The following MTOR variants were observed in gnomAD, a reference collection of about 807,000 sequenced individuals.
The protein encoded by MTOR is serine/threonine-protein kinase mTOR.
In MTOR, 70 loss-of-function variants were observed where a neutral mutation model predicts 319.8. That is an observed-to-expected ratio of 0.22 (90% CI 0.18 to 0.27). The LOEUF is 0.27. Ranked by LOEUF, MTOR falls within the 10% of genes least tolerant of loss-of-function variation. The pLI is 1.00. For missense variants in MTOR, 1,890 were observed against 3,274.4 expected (o/e 0.58, Z 10.32); for synonymous variants, 1,183 against 1,211.4 (o/e 0.98, Z 0.49).
intron 28 of MTOR, among the ~76,000 whole-genome samples, chr1:11,188,042 T>C (rs981355793): frequency 1.3e-5 from 2 of 152,178 alleles, no homozygotes; most frequent in African/African-American, 2.4e-5. Context: ...TCTGAGGAGC[T>C]AGAAGCCCTG....
chr1:11,133,105 G>C lies in MTOR; in HGVS notation c.5339C>G (p.Thr1780Arg), dbSNP rs1253582129. The C allele has an allele frequency of 5.0e-6, 8 of 1,614,056 alleles. No individual in the cohort carries two copies. Among genetic ancestry groups the C allele is most frequent in the Admixed American group, 1.7e-5 (1 of 60,006 alleles). The change falls in exon 38 of 58, where the codon ACA (threonine) becomes AGA (arginine). Residue 1780 changes from threonine to arginine, a missense_variant. Thr to Arg is a moderately conservative substitution (Grantham distance 71). Transcript: ENST00000361445. This position sits in a 1 kb window ranked among gnomAD's most constrained non-coding sequence, Gnocchi z 4.0. ...PKVLQYYSAA[T>R]EHDRSWYKAW... ...CTTGTACCAGCTGCGGTCGTGCTCT[G>C]TGGCGGCGCTGTAGTACTGCAGCAC...
At chr1:11,114,600 G>A in intron 52 of MTOR, 147 bp from the exon 53 acceptor site, 1 of 1,223,326 alleles carries the variant, frequency 8.2e-7, no homozygotes, top group Non-Finnish European at 1.1e-6. Flanking sequence ...AGGAATCAGG[G>A]CAGGACTGTG....
In MTOR at chr1:11,108,289, A is replaced by C. The variant is rs368463267; in HGVS notation, c.7529-3T>G. 1.2e-6 allele frequency: 2 copies of C among 1,611,822 alleles called. No individual in the cohort carries two copies. The highest frequency in any genetic ancestry group is 1.7e-5 in the Admixed American group (1 of 59,990). On this transcript the variant is annotated splice_region_variant and splice_polypyrimidine_tract_variant and intron_variant, in intron 56 of 57. Coordinates refer to ENST00000361445, the MANE Select transcript of MTOR (RefSeq NM_004958.4). ...GTCATCATGAGAGAAGTCCCGACCT[A>C]GCACAGGAGGAACAAAAACATTTCA... is the stretch of plus-strand genomic sequence containing the variant.
At chr1:11,204,788 C>G in intron 25 of MTOR, 85 bp from the exon 26 acceptor site, 1 of 1,398,762 alleles carries the variant, frequency 7.1e-7, no homozygotes, top group Non-Finnish European at 9.6e-7. Context: ...GATTATTCTA[C>G]TTTTAGATTT....
chr1:11,120,957 C>G (rs1170776015), intron 49 of MTOR, among the ~76,000 whole-genome samples: 1 of 152,026 alleles, frequency 6.6e-6, no homozygotes, highest in Non-Finnish European at 1.5e-5. Flanking sequence ...ACACCATTAG[C>G]AAAATTTAAA....
rs555337942 is a variant in MTOR, at chr1:11,112,881, G to A, written c.7337C>T (p.Thr2446Met). Residue 2446 changes from threonine (T) to methionine (M), a missense_variant, in exon 54 of 58, where the codon ACG (threonine) becomes ATG (methionine). Physicochemically the swap from Thr to Met is moderately conservative, Grantham distance 81. This residue lies in a region of MTOR where 49 missense variants were observed against 67.6 expected (regional missense o/e 0.72). Coordinates refer to ENST00000361445, the MANE Select transcript of MTOR (RefSeq NM_004958.4). Reference protein sequence around the residue: ...TKGNKRSRTRTDSYSAGQSVE... With the variant: ...TKGNKRSRTRMDSYSAGQSVE... ...TGACTGGCCAGCAGAGTAGGAATCC[G>A]TCCTCGTTCGGGATCGCTTGTTGCC... 1.9e-6 allele frequency: 3 copies of A among 1,614,234 alleles called. No individual in the cohort carries two copies. The highest frequency in any genetic ancestry group is 1.1e-5 in the South Asian group (1 of 91,092).
At chr1:11,177,966 A>G (rs984665500) in intron 28 of MTOR, among the ~76,000 whole-genome samples, 6 of 128,452 alleles carry the variant, frequency 4.7e-5, no homozygotes, top group Admixed American at 1.7e-4. Context: ...GAAAGTATAG[A>G]TACAATTTTG....
Position 11,233,502 on chromosome 1 carries a change from T to A in MTOR, c.2332-15A>T. Reference sequence around the variant, plus strand: ...AAAATTAATGCCTAGAGAAAGAAGTTATGAGAAAATGAATGCAGATTAGAC... The same window carrying A: ...AAAATTAATGCCTAGAGAAAGAAGTAATGAGAAAATGAATGCAGATTAGAC... On this transcript the variant is annotated splice_polypyrimidine_tract_variant and intron_variant, in intron 14 of 57. Coordinates refer to ENST00000361445, the MANE Select transcript of MTOR (RefSeq NM_004958.4). 6.2e-7 allele frequency: 1 copy of A among 1,602,370 alleles called. No homozygotes were observed.
intron 16 of MTOR, among the ~76,000 whole-genome samples, chr1:11,232,103 C>G (rs1452417821): frequency 6.6e-6 from 1 of 152,168 alleles, no homozygotes; most frequent in East Asian, 1.9e-4. Context: ...CAAGGATGAG[C>G]TAAACTTCTG....
chr1:11,154,323 C>G (rs1644251256), intron 30 of MTOR, among the ~76,000 whole-genome samples: 1 of 151,800 alleles, frequency 6.6e-6, no homozygotes, highest in African/African-American at 2.4e-5. Flanking sequence ...AACTTCTGGG[C>G]TCAAGCAATC....
At position 11,247,223 on chromosome 1, in the gene MTOR, T is replaced by A. The variant is rs142377312; in HGVS notation, c.1225+402A>T. Among the ~76,000 whole-genome samples, 281 of 152,318 alleles carry A rather than the reference T, an allele frequency of 1.8e-3. 3 individuals carry two copies. The highest frequency in any genetic ancestry group is 6.5e-3 in the African/African-American group (271 of 41,560). On this transcript the variant is annotated intron_variant, in intron 8 of 57. Transcript: ENST00000361445. ...AGCTTCAGGAGCCAAGGATTGATGC[T>A]GCCTGCAAGTGGTGAGGCAGCTTGG...
chr1:11,185,095 C>T (rs1645271994), intron 28 of MTOR, among the ~76,000 whole-genome samples: 1 of 152,150 alleles, frequency 6.6e-6, no homozygotes, highest in Non-Finnish European at 1.5e-5. Flanking sequence ...GAAGGCCCTC[C>T]TTGTCCTCTG....
chr1:11,250,565 T>C (rs1018849402), intron 6 of MTOR, among the ~76,000 whole-genome samples: 23 of 152,044 alleles, frequency 1.5e-4, no homozygotes, highest in Non-Finnish European at 3.1e-4. Flanking sequence ...GTCCTCTTCA[T>C]CTCCTGACCT....
intron 39 of MTOR, 58 bp downstream of exon 39, chr1:11,130,471 A>G (rs1326892739): frequency 1.3e-6 from 2 of 1,579,146 alleles, no homozygotes; most frequent in African/African-American, 1.4e-5. Context: ...CAACGATTCC[A>G]TTTCTCAGAG....
chr1:11,163,793 G>A (rs995886940), intron 29 of MTOR, among the ~76,000 whole-genome samples: 5 of 152,260 alleles, frequency 3.3e-5, no homozygotes, highest in South Asian at 2.1e-4. Context: ...AGGGTGTGGA[G>A]GGAAATTTAT....
At chr1:11,186,585 C>T (rs1282319285) in intron 28 of MTOR, among the ~76,000 whole-genome samples, 1 of 152,160 alleles carries the variant, frequency 6.6e-6, no homozygotes, top group African/African-American at 2.4e-5. Flanking sequence ...CAGATTTTGT[C>T]AGTTAATTCC....
intron 34 of MTOR, 155 bp downstream of exon 34, chr1:11,144,493 T>C: frequency 1.7e-6 from 1 of 586,958 alleles, no homozygotes; most frequent in Non-Finnish European, 3.0e-6. Flanking sequence ...TGAGGAGCCT[T>C]TGAGTATTCT....
chr1:11,129,874 C>T lies in MTOR; in HGVS notation c.5614-36G>A, dbSNP rs1643028613. The T allele has an allele frequency of 1.3e-6, 2 of 1,576,130 alleles. No individual in the cohort carries two copies. Among genetic ancestry groups the T allele is most frequent in the South Asian group, 1.1e-5 (1 of 89,808 alleles). On this transcript the variant is annotated intron_variant, in intron 39 of 57. Coordinates refer to ENST00000361445, the MANE Select transcript of MTOR (RefSeq NM_004958.4). The surrounding 1 kb of genome is among the most constrained non-coding windows in gnomAD (Gnocchi z 4.7). ...ACACACGTGTTAGCGACACTCTTGC[C>T]TCTGCTTTCTCATCTGTAAAATGGG...
chr1:11,221,352 G>T (rs1003677403), intron 19 of MTOR, among the ~76,000 whole-genome samples: 3 of 151,988 alleles, frequency 2.0e-5, no homozygotes, highest in Admixed American at 6.6e-5. Context: ...AGAAACAAAT[G>T]AGTATAACTA....
Sources: gnomAD v4.1 joint callset for allele counts (sites outside exome capture counted in the v4.1 genomes callset) on GRCh38, gnomAD v4.1.1 for gene constraint, gnomAD v4.1.1 regional missense constraint, Gnocchi (gnomAD v3.1) non-coding constraint, MANE v1.5 for transcripts, NCBI Gene and HGNC (gene_info 2026-07-23, HGNC 2026-07-21) for gene names.